Variants in ACER3 observed in about 807,000 individuals in gnomAD.
The protein encoded by ACER3 is alkCDase 3.
ACER3 carries 16 observed loss-of-function variants against 48.9 expected under a neutral mutation model. The observed-to-expected ratio is 0.33, with a 90% CI of 0.22 to 0.50. The LOEUF is 0.50. Among genes scored for constraint, ACER3 ranks in the 20% least tolerant of loss-of-function variants. ACER3 has a pLI of 0.98. For missense variants in ACER3, 227 were observed against 326.0 expected (o/e 0.70, Z 2.34); for synonymous variants, 109 against 107.8 (o/e 1.01, Z -0.07).
rs116910482 is a variant in ACER3 at position 76,890,660 on chromosome 11, T to C, written c.103+29581T>C. Reference sequence around the variant, plus strand: ...TCCTGTACTTACAGATTTCAAGGCATAGTGAGTATACAAAATGTTAATCCA... The same window carrying C: ...TCCTGTACTTACAGATTTCAAGGCACAGTGAGTATACAAAATGTTAATCCA... On this transcript the variant is annotated intron_variant, in intron 1 of 10. Coordinates refer to ENST00000532485, the MANE Select transcript of ACER3 (RefSeq NM_018367.7). 8.5e-5 allele frequency among the ~76,000 whole-genome samples: 13 copies of C among 152,314 alleles called. No homozygotes were observed. The East Asian group carries it at 2.3e-3, about 27-fold the overall frequency.
intron 4 of ACER3, among the ~76,000 whole-genome samples, chr11:76,984,766 A>C (rs568401789): frequency 6.6e-6 from 1 of 152,374 alleles, no homozygotes; most frequent in East Asian, 1.9e-4. Context: ...ATTCCTTAGG[A>C]ATCATTAGTT....
intron 1 of ACER3, among the ~76,000 whole-genome samples, chr11:76,922,538 C>A (rs1034810424): frequency 5.3e-5 from 8 of 152,220 alleles, no homozygotes; most frequent in African/African-American, 1.9e-4. Flanking sequence ...TCTACCTAGG[C>A]AAATTACTTT....
rs1949500466 is a variant in ACER3, at chr11:77,023,355, CA to C, written c.*3032del. ...GTGTGGTTCAAAGAAAATTAAGAGA[CA>C]AAACCTTCAGGTACATAATGCATGA... On this transcript the variant is annotated 3_prime_UTR_variant, in exon 11 of 11. Transcript: ENST00000532485. The C allele has an allele frequency of 2.6e-6, 1 of 388,644 alleles. No individual in the cohort carries two copies. Among genetic ancestry groups the C allele is most frequent in the African/African-American group, 2.1e-5 (1 of 48,426 alleles). 24.1% of individuals were successfully genotyped at this position (388,644 alleles called of 1,614,324 possible). A position where few individuals can be genotyped will look rare whatever the true frequency, so the allele number is the denominator to read the frequency against.
chr11:76,936,251 T>C (rs1248298114), intron 2 of ACER3, among the ~76,000 whole-genome samples: 2 of 152,094 alleles, frequency 1.3e-5, no homozygotes, highest in Non-Finnish European at 2.9e-5. Context: ...TTTTAAAAAG[T>C]ACAGAAATAG....
rs1246330569 is a variant in ACER3, at chr11:77,026,250, G to A, written c.*5923G>A. ...GTAGTTGTCAAGCTGTGGTAGTCAT[G>A]TACACTTTTTTTCTTTTTTTTAACT... On this transcript the variant is annotated 3_prime_UTR_variant, in exon 11 of 11. Transcript: ENST00000532485. 1.1e-5 allele frequency: 1 copy of A among 88,968 alleles called. No homozygotes were observed. Among genetic ancestry groups the A allele is most frequent in the Non-Finnish European group, 2.5e-5 (1 of 39,460 alleles). 5.5% of individuals were successfully genotyped at this position (88,968 alleles called of 1,614,324 possible).
At chr11:76,963,480 AACG>A (rs1565202633) in intron 3 of ACER3, among the ~76,000 whole-genome samples, 2 of 33,568 alleles carry the variant, frequency 6.0e-5, no homozygotes, top group South Asian at 2.9e-3. Flanking sequence ...CACATTAGAC[AACG>A]AGACCAGTGA....
intron 2 of ACER3, among the ~76,000 whole-genome samples, chr11:76,928,146 C>G (rs376848501): frequency 3.3e-5 from 5 of 151,990 alleles, no homozygotes; most frequent in Non-Finnish European, 7.4e-5. Context: ...TTTTAATGAT[C>G]GCCATTCTAA....
At chr11:76,891,249 TATATATATAA>T (rs1565161746) in intron 1 of ACER3, among the ~76,000 whole-genome samples, 1 of 33,038 alleles carries the variant, frequency 3.0e-5, no homozygotes. Flanking sequence ...ATATATATAA[TATATATATAA>T]TATATATATA....
intron 1 of ACER3, among the ~76,000 whole-genome samples, chr11:76,898,900 T>TC (rs1946005655): frequency 1.8e-5 from 1 of 55,682 alleles, no homozygotes; most frequent in Non-Finnish European, 2.7e-5. Flanking sequence ...CGAGACTCCG[T>TC]CTCAAAAAAA....
At chr11:76,981,168 TCAGAG>T (rs1373287386) in intron 4 of ACER3, among the ~76,000 whole-genome samples, 1 of 152,172 alleles carries the variant, frequency 6.6e-6, no homozygotes, top group African/African-American at 2.4e-5. Context: ...TGCTACCACC[TCAGAG>T]TATAAAAAAG....
chr11:76,875,567 T>G (rs1037552708), intron 1 of ACER3, among the ~76,000 whole-genome samples: 3 of 152,100 alleles, frequency 2.0e-5, no homozygotes, highest in Non-Finnish European at 4.4e-5. Flanking sequence ...TTCCATTCCT[T>G]TCTCCATCCA....
At chr11:77,007,105 C>T (rs1949167192) in intron 7 of ACER3, among the ~76,000 whole-genome samples, 1 of 135,006 alleles carries the variant, frequency 7.4e-6, no homozygotes, top group Non-Finnish European at 1.6e-5. Context: ...GAGCAAGACC[C>T]TGTCTCTTGA....
At position 77,025,015 on chromosome 11, in the gene ACER3, C is replaced by T. The variant is rs1949530117; in HGVS notation, c.*4688C>T. The T allele has an allele frequency of 6.6e-6, 1 of 152,144 alleles. No individual in the cohort carries two copies. Among genetic ancestry groups the T allele is most frequent in the Non-Finnish European group, 1.5e-5 (1 of 68,036 alleles). 9.4% of individuals were successfully genotyped at this position (152,144 alleles called of 1,614,324 possible). On this transcript the variant is annotated 3_prime_UTR_variant, in exon 11 of 11. Transcript: ENST00000532485. ...TTTTCAACCCTTACAAGACCTGCTT[C>T]ATTGCTTTAAAAATGTAGTGTTGAT...
At chr11:76,944,257 A>G (rs551326176) in intron 2 of ACER3, among the ~76,000 whole-genome samples, 2 of 152,088 alleles carry the variant, frequency 1.3e-5, no homozygotes, top group South Asian at 4.1e-4. Context: ...TTGTGTTCAC[A>G]TTTGATTCTT....
chr11:76,877,192 C>A (rs987168420), intron 1 of ACER3, among the ~76,000 whole-genome samples: 1 of 152,038 alleles, frequency 6.6e-6, no homozygotes, highest in Non-Finnish European at 1.5e-5. Flanking sequence ...AAGTAAGTAC[C>A]TCAGGGTTGA....
intron 1 of ACER3, among the ~76,000 whole-genome samples, chr11:76,910,709 C>T (rs1252634761): frequency 6.6e-6 from 1 of 152,110 alleles, no homozygotes; most frequent in Admixed American, 6.6e-5. Context: ...ATATAGTTTT[C>T]TACCTCTTAA....
chr11:76,919,118 T>G (rs561810362), intron 1 of ACER3, among the ~76,000 whole-genome samples: 38 of 152,336 alleles, frequency 2.5e-4, no homozygotes, highest in African/African-American at 8.9e-4. Context: ...TCAGCTTCAC[T>G]AGATTTTAAT....
At chr11:76,915,935 C>T (rs1397639115) in intron 1 of ACER3, among the ~76,000 whole-genome samples, 1 of 152,194 alleles carries the variant, frequency 6.6e-6, no homozygotes, top group East Asian at 1.9e-4. Flanking sequence ...CCCTCAACAC[C>T]TGGGGATTAC....
At chr11:76,926,532 GTCT>G (rs755493499) in intron 1 of ACER3, 22 bp from the exon 2 acceptor site, 16 of 1,424,970 alleles carry the variant, frequency 1.1e-5, no homozygotes, top group South Asian at 2.4e-5. Flanking sequence ...TAACCTAAAT[GTCT>G]TCTTATATTT....
Sources: gnomAD v4.1 joint callset for allele counts (sites outside exome capture counted in the v4.1 genomes callset) on GRCh38, gnomAD v4.1.1 for gene constraint, MANE v1.5 for transcripts, NCBI Gene and HGNC (gene_info 2026-07-23, HGNC 2026-07-21) for gene names.